SGMS1: variants seen among roughly 807,000 people sequenced by gnomAD.
SGMS1 encodes sphingomyelin synthase 1, also known as phosphatidylcholine:ceramide cholinephosphotransferase 1.
SGMS1 carries 13 observed loss-of-function variants against 46.2 expected under a neutral mutation model. That is an observed-to-expected ratio of 0.28 (90% CI 0.18 to 0.45). The LOEUF (loss-of-function observed/expected upper bound fraction) is 0.45, where lower values mean the gene tolerates loss of function less well. Among genes scored for constraint, SGMS1 ranks in the 20% least tolerant of loss-of-function variants. The pLI, the probability that SGMS1 is intolerant of heterozygous loss-of-function variation, is 1.00. For missense variants in SGMS1, 324 were observed against 519.9 expected (o/e 0.62, Z 3.66); for synonymous variants, 203 against 187.8 (o/e 1.08, Z -0.66).
chr10:50,372,018 C>G (rs1335731230), intron 6 of SGMS1, among the ~76,000 whole-genome samples: 1 of 152,190 alleles, frequency 6.6e-6, no homozygotes, highest in East Asian at 1.9e-4. Context: ...GGAACACATT[C>G]AAACCACCGC....
Position 50,430,895 on chromosome 10 carries a change from T to G in SGMS1, c.-232+2581A>C, listed in dbSNP as rs114836334. Among the ~76,000 whole-genome samples, 1,453 of 152,230 alleles carry G rather than the reference T, an allele frequency of 9.5e-3. 27 individuals are homozygous for G. Among genetic ancestry groups the G allele is most frequent in the African/African-American group, 0.033 (1,388 of 41,558 alleles). On this transcript the variant is annotated intron_variant, in intron 6 of 10. Coordinates refer to ENST00000361781, the MANE Select transcript of SGMS1 (RefSeq NM_147156.4). ...TCCCAAGTATCTAGTAAACATATTTTTGTTTATATCAACAAACATGAGTTT... is the reference window on the plus strand; with the variant it reads ...TCCCAAGTATCTAGTAAACATATTTGTGTTTATATCAACAAACATGAGTTT...
intron 6 of SGMS1, among the ~76,000 whole-genome samples, chr10:50,389,193 A>G (rs1848729603): frequency 6.6e-6 from 1 of 152,196 alleles, no homozygotes; most frequent in African/African-American, 2.4e-5. Flanking sequence ...GGTCAAAAAC[A>G]GCCACCTGAA....
At chr10:50,458,339 CTTTTTTTTTTTTTTTT>C (rs750349777) in intron 5 of SGMS1, among the ~76,000 whole-genome samples, 34 of 97,140 alleles carry the variant, frequency 3.5e-4, no homozygotes, top group South Asian at 1.5e-3. Flanking sequence ...TTCTTTTTCT[CTTTTTTTTTTTTTTTT>C]TTTTTTTTTT....
intron 6 of SGMS1, among the ~76,000 whole-genome samples, chr10:50,383,801 TATAAA>T (rs1291420762): frequency 6.6e-6 from 1 of 152,182 alleles, no homozygotes; most frequent in East Asian, 1.9e-4. Flanking sequence ...ATTTTTTCAG[TATAAA>T]ATAAAGACTA....
chr10:50,512,867 G>A (rs1273035578), intron 3 of SGMS1, among the ~76,000 whole-genome samples: 2 of 152,146 alleles, frequency 1.3e-5, no homozygotes, highest in Non-Finnish European at 2.9e-5. Flanking sequence ...CAGTACCCGG[G>A]GTAACACATG....
intron 2 of SGMS1, among the ~76,000 whole-genome samples, chr10:50,570,677 A>G (rs1055629851): frequency 5.9e-5 from 9 of 152,238 alleles, no homozygotes; most frequent in African/African-American, 1.9e-4. Flanking sequence ...CTCACACTTA[A>G]CAATCTGAGC....
chr10:50,339,396 T>G (rs1847774390), intron 7 of SGMS1, among the ~76,000 whole-genome samples: 1 of 152,218 alleles, frequency 6.6e-6, no homozygotes, highest in Non-Finnish European at 1.5e-5. Flanking sequence ...TTGATTCAGA[T>G]GTCTGTTCAA....
At chr10:50,351,138 A>T (rs1042282093) in intron 6 of SGMS1, among the ~76,000 whole-genome samples, 1 of 152,152 alleles carries the variant, frequency 6.6e-6, no homozygotes, top group Non-Finnish European at 1.5e-5. Flanking sequence ...GTCAAAGGAG[A>T]TCATTTTGGA....
At chr10:50,466,308 TAAATG>T (rs957523723) in intron 4 of SGMS1, among the ~76,000 whole-genome samples, 2 of 150,358 alleles carry the variant, frequency 1.3e-5, no homozygotes, top group Non-Finnish European at 3.0e-5. Context: ...ATAAAATAAA[TAAATG>T]AAAGGAAAGA....
intron 8 of SGMS1, among the ~76,000 whole-genome samples, chr10:50,319,431 C>T (rs1847404366): frequency 6.6e-6 from 1 of 152,108 alleles, no homozygotes; most frequent in African/African-American, 2.4e-5. Context: ...ATAATACTAC[C>T]ATACTTAAAA....
At chr10:50,346,375 C>G (rs1847911926) in intron 6 of SGMS1, among the ~76,000 whole-genome samples, 2 of 152,094 alleles carry the variant, frequency 1.3e-5, no homozygotes, top group South Asian at 4.1e-4. Context: ...CTCTACCTAC[C>G]AGGGGGCTAA....
chr10:50,385,657 C>CA (rs925328760), intron 6 of SGMS1, among the ~76,000 whole-genome samples: 24 of 149,910 alleles, frequency 1.6e-4, no homozygotes, highest in Non-Finnish European at 2.8e-4. Flanking sequence ...GATCTGATTA[C>CA]AAAAAAAAAG....
At chr10:50,477,098 C>A (rs1053579270) in intron 3 of SGMS1, among the ~76,000 whole-genome samples, 4 of 152,236 alleles carry the variant, frequency 2.6e-5, no homozygotes, top group African/African-American at 9.6e-5. Flanking sequence ...GCATCATGCA[C>A]CTGGAAAAGT....
At chr10:50,471,445 C>T (rs1588844495) in intron 3 of SGMS1, among the ~76,000 whole-genome samples, 1 of 152,160 alleles carries the variant, frequency 6.6e-6, no homozygotes, top group South Asian at 2.1e-4. Context: ...ACCAACACAA[C>T]CACTTCCATG....
At chr10:50,410,053 C>A (rs1849074901) in intron 6 of SGMS1, among the ~76,000 whole-genome samples, 1 of 152,156 alleles carries the variant, frequency 6.6e-6, no homozygotes, top group South Asian at 2.1e-4. Flanking sequence ...ATAGGACACA[C>A]TAACTAGCAA....
chr10:50,474,906 G>T (rs1837406786), intron 3 of SGMS1, among the ~76,000 whole-genome samples: 1 of 152,070 alleles, frequency 6.6e-6, no homozygotes, highest in Admixed American at 6.5e-5. Flanking sequence ...TAAGATATTG[G>T]ATATATAAAT....
intron 8 of SGMS1, among the ~76,000 whole-genome samples, chr10:50,326,423 C>T (rs10825740): frequency 0.17 from 26,343 of 152,170 alleles, 2,750 homozygotes; most frequent in East Asian, 0.26. Flanking sequence ...GTTTCACCCA[C>T]ACAGGTATAA....
chr10:50,500,808 T>A (rs1381328499), intron 3 of SGMS1, among the ~76,000 whole-genome samples: 2 of 152,222 alleles, frequency 1.3e-5, no homozygotes, highest in African/African-American at 4.8e-5. Flanking sequence ...AACATCAGGA[T>A]GCCTTGATAA....
intron 1 of SGMS1, among the ~76,000 whole-genome samples, chr10:50,605,367 C>T (rs760287436): frequency 2.0e-5 from 3 of 152,202 alleles, no homozygotes; most frequent in Admixed American, 1.3e-4. Flanking sequence ...GAGAAGCATA[C>T]CACTGAAATA....
Sources: allele counts gnomAD v4.1 joint callset (sites outside exome capture counted in the v4.1 genomes callset), GRCh38; gene constraint gnomAD v4.1.1; transcripts MANE v1.5; gene names NCBI Gene and HGNC (gene_info 2026-07-23, HGNC 2026-07-21).